The following ACAP2 variants were observed in gnomAD, a reference collection of about 807,000 sequenced individuals.
ACAP2 encodes arf-GAP with coiled-coil, ANK repeat and PH domain-containing protein 2.
A neutral mutation model predicts 115.8 loss-of-function variants in ACAP2; 39 were observed. The ratio of observed to expected loss-of-function variants is 0.34; its 90% CI spans 0.26 to 0.44. ACAP2 has a LOEUF of 0.44. Among genes scored for constraint, ACAP2 ranks in the 20% least tolerant of loss-of-function variants. The pLI is 1.00. For missense variants in ACAP2, 662 were observed against 927.6 expected (o/e 0.71, Z 3.72); for synonymous variants, 289 against 315.8 (o/e 0.92, Z 0.90).
In ACAP2 at chr3:195,275,443, G is replaced by C. The variant is rs1726155539; in HGVS notation, c.*3885C>G. 6.6e-6 allele frequency: 1 copy of C among 152,170 alleles called. No individual in the cohort carries two copies. The highest frequency in any genetic ancestry group is 2.4e-5 in the African/African-American group (1 of 41,440). 9.4% of individuals were successfully genotyped at this position (152,170 alleles called of 1,614,324 possible). A position where few individuals can be genotyped will look rare whatever the true frequency, so the allele number is the denominator to read the frequency against. On this transcript the variant is annotated 3_prime_UTR_variant, in exon 23 of 23. Coordinates refer to ENST00000326793, the MANE Select transcript of ACAP2 (RefSeq NM_012287.6). ...AATGTTTGTTATTGCAAAAATGTAA[G>C]ATTTCCTACAATTTTGTCTTCAAAT...
At chr3:195,345,221 T>C in intron 5 of ACAP2, 38 bp downstream of exon 5, 2 of 1,364,608 alleles carry the variant, frequency 1.5e-6, no homozygotes, top group Non-Finnish European at 2.1e-6. Context: ...GATCATTAAC[T>C]AGTTAATTTT....
At chr3:195,297,132 G>A (rs1577253155) in intron 16 of ACAP2, 58 bp downstream of exon 16, 3 of 1,443,194 alleles carry the variant, frequency 2.1e-6, no homozygotes, top group East Asian at 4.6e-5. Flanking sequence ...AATTACTACA[G>A]TGAAATAAAA....
intron 1 of ACAP2, among the ~76,000 whole-genome samples, chr3:195,393,086 C>T (rs1172818075): frequency 1.3e-5 from 2 of 152,158 alleles, no homozygotes; most frequent in Non-Finnish European, 2.9e-5. Flanking sequence ...CCTGTAATCC[C>T]AGCACTTTGG....
intron 4 of ACAP2, among the ~76,000 whole-genome samples, chr3:195,356,632 T>A (rs1731990518): frequency 6.6e-6 from 1 of 152,000 alleles, no homozygotes; most frequent in Non-Finnish European, 1.5e-5. Context: ...TTTTGCAACA[T>A]AAATACCATC....
intron 1 of ACAP2, chr3:195,411,078 C>G: frequency 3.6e-6 from 1 of 274,024 alleles, no homozygotes; most frequent in Non-Finnish European, 7.4e-6. Flanking sequence ...GATGCAGGAA[C>G]AGACTAAGAA....
At chr3:195,300,054 T>C (rs553024205) in intron 15 of ACAP2, among the ~76,000 whole-genome samples, 2,812 of 39,768 alleles carry the variant, frequency 0.071, 29 homozygotes, top group Non-Finnish European at 0.14. Flanking sequence ...CTTTTTTTTT[T>C]TTTTTTTTTT....
At chr3:195,378,252 G>C (rs1207323209) in intron 4 of ACAP2, among the ~76,000 whole-genome samples, 1 of 152,176 alleles carries the variant, frequency 6.6e-6, no homozygotes, top group East Asian at 1.9e-4. Flanking sequence ...CAGCACTTTG[G>C]GAGGCCAAGG....
At chr3:195,413,674 A>G (rs940607357) in intron 1 of ACAP2, among the ~76,000 whole-genome samples, 3 of 152,106 alleles carry the variant, frequency 2.0e-5, no homozygotes, top group African/African-American at 7.2e-5. Flanking sequence ...GCTTGAACCC[A>G]GGAGGCGGAG....
At chr3:195,279,773 T>C in intron 22 of ACAP2, 1 of 160,386 alleles carries the variant, frequency 6.2e-6, no homozygotes, top group Non-Finnish European at 1.4e-5. Flanking sequence ...AATGAGACCT[T>C]CTTTAAATAA....
intron 1 of ACAP2, among the ~76,000 whole-genome samples, chr3:195,420,266 C>G (rs1444378538): frequency 6.6e-6 from 1 of 151,998 alleles, no homozygotes; most frequent in Non-Finnish European, 1.5e-5. Context: ...TATAAAGTTC[C>G]TAACTTTATT....
chr3:195,345,250 T>C lies in ACAP2; in HGVS notation c.344+9A>G, dbSNP rs550048036. The C allele has an allele frequency of 5.0e-6, 8 of 1,603,686 alleles. No individual in the cohort carries two copies. Among genetic ancestry groups the C allele is most frequent in the South Asian group, 4.4e-5 (4 of 90,450 alleles). The stretch of plus-strand genomic sequence containing the variant: ...TAATTTTCTTTCCTCTTCACCGCAA[T>C]TGACTTACTCTTTAACAAAGTTCTG... On this transcript the variant is annotated intron_variant, in intron 5 of 22. Coordinates refer to ENST00000326793, the MANE Select transcript of ACAP2 (RefSeq NM_012287.6).
intron 21 of ACAP2, among the ~76,000 whole-genome samples, chr3:195,288,670 C>T (rs1727015850): frequency 6.6e-6 from 1 of 152,218 alleles, no homozygotes; most frequent in East Asian, 1.9e-4. Context: ...CCAGCCTGGC[C>T]AACATGGTGA....
chr3:195,441,426 T>G (rs1486706664), intron 1 of ACAP2, among the ~76,000 whole-genome samples: 1 of 152,174 alleles, frequency 6.6e-6, no homozygotes, highest in Non-Finnish European at 1.5e-5. Flanking sequence ...AGGAAGTGGG[T>G]TTTTTTAAAT....
intron 1 of ACAP2, among the ~76,000 whole-genome samples, chr3:195,426,776 A>T (rs1340366853): frequency 6.6e-6 from 1 of 152,244 alleles, no homozygotes; most frequent in East Asian, 1.9e-4. Context: ...GGTCATATGT[A>T]AACCAATGAG....
At chr3:195,345,869 T>C (rs1017742027) in intron 4 of ACAP2, among the ~76,000 whole-genome samples, 1 of 152,200 alleles carries the variant, frequency 6.6e-6, no homozygotes, top group African/African-American at 2.4e-5. Flanking sequence ...CTCCAGATAG[T>C]ATTTTGCCCA....
chr3:195,290,766 T>C (rs1727184259), intron 20 of ACAP2, among the ~76,000 whole-genome samples: 1 of 151,726 alleles, frequency 6.6e-6, no homozygotes, highest in Non-Finnish European at 1.5e-5. Flanking sequence ...TGAGCTGAGA[T>C]CGTGCTACTG....
At chr3:195,433,515 T>C (rs1021674219) in intron 1 of ACAP2, among the ~76,000 whole-genome samples, 2 of 152,248 alleles carry the variant, frequency 1.3e-5, no homozygotes, top group East Asian at 1.9e-4. Flanking sequence ...ACAGGCTTCT[T>C]GCTCCTTATG....
Position 195,279,295 on chromosome 3 carries a change from C to A in ACAP2, c.*33G>T, listed in dbSNP as rs778946405. Reference sequence around the variant, plus strand: ...TTTAGCTGTATACATTAGGGGGTCACCAGATTTCATATTTTCCCATTTTTA... The same window carrying A: ...TTTAGCTGTATACATTAGGGGGTCAACAGATTTCATATTTTCCCATTTTTA... On this transcript the variant is annotated 3_prime_UTR_variant, in exon 23 of 23. Coordinates refer to ENST00000326793, the MANE Select transcript of ACAP2 (RefSeq NM_012287.6). 6.8e-7 allele frequency: 1 copy of A among 1,462,302 alleles called. No homozygotes were observed. The highest frequency in any genetic ancestry group is 1.4e-5 in the African/African-American group (1 of 70,806). 90.6% of individuals were successfully genotyped at this position (1,462,302 alleles called of 1,614,324 possible). A position where few individuals can be genotyped will look rare whatever the true frequency, so the allele number is the denominator to read the frequency against.
rs183310110 is a variant in ACAP2 at position 195,289,002 on chromosome 3, G to A, written c.2174+119C>T. On this transcript the variant is annotated intron_variant, in intron 21 of 22. Coordinates refer to ENST00000326793, the MANE Select transcript of ACAP2 (RefSeq NM_012287.6). ...TAAATACATACCATTTTATATAAGG[G>A]ACATGAGCATATGTGGATGTTGGTA... 98 of 669,756 alleles carry A rather than the reference G, an allele frequency of 1.5e-4. 1 individual carries two copies. In the Admixed American group the frequency reaches 2.4e-3, roughly 16 times the overall value. The allele number at this position is 669,756 out of a possible 1,614,324, so 41.5% of individuals were successfully genotyped here.
Sources: allele counts gnomAD v4.1 joint callset (sites outside exome capture counted in the v4.1 genomes callset), GRCh38; gene constraint gnomAD v4.1.1; transcripts MANE v1.5; gene names NCBI Gene and HGNC (gene_info 2026-07-23, HGNC 2026-07-21).